The following CSMD1 variants were observed in gnomAD, a reference collection of about 807,000 sequenced individuals.
CSMD1 encodes the protein CUB and Sushi multiple domains 1.
In CSMD1, 213 loss-of-function variants were observed where a neutral mutation model predicts 417.5. The observed-to-expected ratio is 0.51, with a 90% CI of 0.46 to 0.57. CSMD1 has a LOEUF of 0.57. CSMD1 is among the 20% of genes least tolerant of loss of function. The pLI, the probability that CSMD1 is intolerant of heterozygous loss-of-function variation, is 0.00. For synonymous variants in CSMD1, 2,862 were observed against 1,736.8 expected (o/e 1.65, Z -16.11); for missense variants, 6,923 against 4,529.7 (o/e 1.53, Z -15.17).
In CSMD1 at chr8:4,793,616, CA is replaced by C. The variant is rs200148041; in HGVS notation, c.86-156059del. On this transcript the variant is annotated intron_variant, in intron 1 of 69. Transcript: ENST00000635120. ...GGCATTGCTCACTATCATACTGTTT[CA>C]AAAAAAAATACAGCACTAATTATTG... Among the ~76,000 whole-genome samples, 12 of 147,936 alleles carry C rather than the reference CA, an allele frequency of 8.1e-5. 1 individual carries two copies. Among genetic ancestry groups the C allele is most frequent in the East Asian group, 2.0e-4 (1 of 5,118 alleles).
chr8:4,224,980 C>T (rs981155710), intron 3 of CSMD1, among the ~76,000 whole-genome samples: 8 of 152,106 alleles, frequency 5.3e-5, no homozygotes, highest in Non-Finnish European at 7.4e-5. Context: ...GGCGTGGTGC[C>T]GTGCACCTGA....
intron 49 of CSMD1, among the ~76,000 whole-genome samples, chr8:3,086,130 C>A (rs761491467): frequency 5.9e-5 from 9 of 151,842 alleles, no homozygotes; most frequent in African/African-American, 4.8e-5. Context: ...TAAACAGAGT[C>A]ATAGAACATT....
At chr8:3,402,818 C>G (rs1394559024) in intron 15 of CSMD1, among the ~76,000 whole-genome samples, 1 of 151,790 alleles carries the variant, frequency 6.6e-6, no homozygotes, top group Non-Finnish European at 1.5e-5. Context: ...TAATAGGATC[C>G]TAATTTATTT....
At chr8:4,241,011 C>A (rs1802367422) in intron 3 of CSMD1, among the ~76,000 whole-genome samples, 1 of 152,096 alleles carries the variant, frequency 6.6e-6, no homozygotes. Flanking sequence ...AGTGAAAACC[C>A]ATCTGACTGA....
chr8:3,752,601 G>T (rs7837806), intron 6 of CSMD1, among the ~76,000 whole-genome samples: 28,926 of 142,186 alleles, frequency 0.2, 3,191 homozygotes, highest in South Asian at 0.32. Flanking sequence ...TTGCAGTGAG[G>T]CAAGACTGCA....
At chr8:4,724,520 A>G (rs60653894) in intron 1 of CSMD1, among the ~76,000 whole-genome samples, 1,840 of 145,218 alleles carry the variant, frequency 0.013, 18 homozygotes, top group African/African-American at 0.016. Context: ...TTATATATAT[A>G]TGTGTGTGTG....
At chr8:3,142,735 A>G (rs1341527278) in intron 40 of CSMD1, 61 bp from the exon 41 acceptor site, 31 of 1,351,796 alleles carry the variant, frequency 2.3e-5, no homozygotes, top group Non-Finnish European at 2.8e-5. Context: ...ATCAATGCTC[A>G]TAAAAAGGGA....
chr8:4,824,908 T>A (rs1373287541), intron 1 of CSMD1, among the ~76,000 whole-genome samples: 7 of 152,128 alleles, frequency 4.6e-5, no homozygotes, highest in Non-Finnish European at 5.9e-5. Context: ...CTGTTACTGC[T>A]ACACAAATGC....
intron 2 of CSMD1, among the ~76,000 whole-genome samples, chr8:4,614,519 A>C (rs1008403892): frequency 6.6e-6 from 1 of 152,168 alleles, no homozygotes; most frequent in East Asian, 1.9e-4. Flanking sequence ...TATACTAATA[A>C]GAATTATGTA....
At position 3,665,802 on chromosome 8, in the gene CSMD1, C is replaced by A. The variant is rs752329431; in HGVS notation, c.1009+42612G>T. Among the ~76,000 whole-genome samples the A allele has an allele frequency of 4.3e-4, 65 of 152,136 alleles. 1 individual carries two copies. The highest frequency in any genetic ancestry group is 1.5e-5 in the Non-Finnish European group (1 of 68,028). Reference sequence around the variant, plus strand: ...AGCTGAGGCTATTTCTTAGAGCACCCCTAGGAATCTCTTGAATGATCAACC... The same window carrying A: ...AGCTGAGGCTATTTCTTAGAGCACCACTAGGAATCTCTTGAATGATCAACC... On this transcript the variant is annotated intron_variant, in intron 7 of 69. Transcript: ENST00000635120.
At chr8:4,716,323 G>T (rs74917641) in intron 1 of CSMD1, among the ~76,000 whole-genome samples, 1,790 of 152,280 alleles carry the variant, frequency 0.012, 38 homozygotes, top group African/African-American at 0.041. Flanking sequence ...TGTGGCTGAG[G>T]AAATGTCTTC....
intron 5 of CSMD1, among the ~76,000 whole-genome samples, chr8:3,834,591 G>C (rs929863610): frequency 2.0e-5 from 3 of 152,178 alleles, no homozygotes; most frequent in African/African-American, 7.2e-5. Context: ...ATATATAAAT[G>C]TAACAAATGT....
intron 3 of CSMD1, among the ~76,000 whole-genome samples, chr8:4,116,852 C>A (rs572568787): frequency 6.6e-6 from 1 of 152,006 alleles, no homozygotes; most frequent in South Asian, 2.1e-4. Flanking sequence ...AAGCACCTGG[C>A]ATTTACTGTA....
chr8:3,646,531 A>C (rs1488582935), intron 7 of CSMD1, among the ~76,000 whole-genome samples: 1 of 152,176 alleles, frequency 6.6e-6, no homozygotes, highest in Middle Eastern at 3.2e-3. Flanking sequence ...TAGCATTCCA[A>C]GGGAAAGGAC....
chr8:4,748,793 T>A lies in CSMD1; in HGVS notation c.86-111235A>T, dbSNP rs143199052. On this transcript the variant is annotated intron_variant, in intron 1 of 69. Coordinates refer to ENST00000635120, the MANE Select transcript of CSMD1 (RefSeq NM_033225.6). ...ATTATTGAATAGGTATTTAGTAGCG[T>A]GTTAGCATCACCATTGTGAACATAT... 7.0e-4 allele frequency among the ~76,000 whole-genome samples: 106 copies of A among 152,352 alleles called. No homozygotes were observed. The East Asian group carries it at 0.019, about 28-fold the overall frequency.
intron 3 of CSMD1, among the ~76,000 whole-genome samples, chr8:4,037,991 T>A (rs1211717316): frequency 2.0e-5 from 3 of 152,186 alleles, no homozygotes; most frequent in Non-Finnish European, 4.4e-5. Context: ...AAATAATGTA[T>A]AATTTTAGTC....
intron 23 of CSMD1, among the ~76,000 whole-genome samples, chr8:3,339,630 A>G (rs1019443620): frequency 6.6e-6 from 1 of 152,210 alleles, no homozygotes. Context: ...GGCTACTCTG[A>G]TATCCAATGC....
In CSMD1 at chr8:2,998,198, G is replaced by C. The variant is rs1428185945; in HGVS notation, c.8204-14C>G. ...CACATGTGATGGCTGTAGAGAGACA[G>C]GTCAACGTCATTGTTAAATATTGAA... On this transcript the variant is annotated splice_polypyrimidine_tract_variant and intron_variant, in intron 53 of 69. Coordinates refer to ENST00000635120, the MANE Select transcript of CSMD1 (RefSeq NM_033225.6). 6.2e-7 allele frequency: 1 copy of C among 1,612,652 alleles called. No homozygotes were observed. Among genetic ancestry groups the C allele is most frequent in the Non-Finnish European group, 8.5e-7 (1 of 1,179,032 alleles).
At chr8:4,156,480 A>T (rs1796841133) in intron 3 of CSMD1, among the ~76,000 whole-genome samples, 1 of 152,196 alleles carries the variant, frequency 6.6e-6, no homozygotes, top group African/African-American at 2.4e-5. Context: ...GAGCATTTTT[A>T]TGTCCAATTC....
Sources: gnomAD v4.1 joint callset for allele counts (sites outside exome capture counted in the v4.1 genomes callset) on GRCh38, gnomAD v4.1.1 for gene constraint, MANE v1.5 for transcripts, NCBI Gene and HGNC (gene_info 2026-07-23, HGNC 2026-07-21) for gene names.